HS1BP3: variants seen among roughly 807,000 people sequenced by gnomAD.
The protein encoded by HS1BP3 is HCLS1 binding protein 3.
Under a neutral mutation model 33.5 loss-of-function variants are expected in HS1BP3, and 32 were observed. The observed-to-expected ratio is 0.95, with a 90% CI of 0.72 to 1.28. The LOEUF (loss-of-function observed/expected upper bound fraction) is 1.28. Ranked by LOEUF, HS1BP3 falls within the 50% of genes most tolerant of loss-of-function variation. The pLI is 0.00. For missense variants in HS1BP3, 486 were observed against 502.3 expected (o/e 0.97, Z 0.31); for synonymous variants, 187 against 209.2 (o/e 0.89, Z 0.92).
chr2:20,620,167 C>A (rs1228135620), intron 6 of HS1BP3, among the ~76,000 whole-genome samples: 2 of 152,234 alleles, frequency 1.3e-5, no homozygotes, highest in East Asian at 3.8e-4. Flanking sequence ...GTGCTGAACA[C>A]CCGTGATGGC....
rs569396502 is a variant in HS1BP3, at chr2:20,568,565, G to T, written c.303-8050C>A. Reference sequence around the variant, plus strand: ...CCTTTGTCTGGGGACTAGACAGGAGGTGAGGGAGGAGGTGACAGGAACCAA... The same window carrying T: ...CCTTTGTCTGGGGACTAGACAGGAGTTGAGGGAGGAGGTGACAGGAACCAA... On this transcript the variant is annotated intron_variant, in intron 5 of 5. Coordinates refer to the HS1BP3 transcript ENST00000446825. Among the ~76,000 whole-genome samples the T allele has an allele frequency of 3.9e-5, 6 of 152,260 alleles. No individual in the cohort carries two copies. In the East Asian group the frequency reaches 1.2e-3, roughly 30 times the overall value.
At chr2:20,604,126 A>G (rs1377971714) in intron 2 of HS1BP3, among the ~76,000 whole-genome samples, 3 of 152,244 alleles carry the variant, frequency 2.0e-5, no homozygotes, top group Non-Finnish European at 4.4e-5. Context: ...TATTTAAATA[A>G]CAATTCATCA....
At position 20,634,873 on chromosome 2, in the gene HS1BP3, G is replaced by A. The variant is rs1001061888; in HGVS notation, c.623+3563C>T. 7.2e-5 allele frequency: 11 copies of A among 152,372 alleles called. No individual in the cohort carries two copies. In the East Asian group the frequency reaches 9.6e-4, roughly 13 times the overall value. 9.4% of individuals were successfully genotyped at this position (152,372 alleles called of 1,614,324 possible). A position where few individuals can be genotyped will look rare whatever the true frequency, so the allele number is the denominator to read the frequency against. The stretch of plus-strand genomic sequence containing the variant: ...CACGGAGGCCACAGCACGGGGACCC[G>A]GGTGTGGGCTCCCCCTTCCAGGGAG... On this transcript the variant is annotated intron_variant, in intron 4 of 6. Coordinates refer to ENST00000304031, the MANE Select transcript of HS1BP3 (RefSeq NM_022460.4).
chr2:20,579,849 G>A lies in HS1BP3; in HGVS notation c.303-19334C>T, dbSNP rs555669438. Among the ~76,000 whole-genome samples, 141 of 152,364 alleles carry A rather than the reference G, an allele frequency of 9.3e-4. 2 individuals carry two copies. Among genetic ancestry groups the A allele is most frequent in the African/African-American group, 3.3e-3 (138 of 41,580 alleles). ...GAGAAAATCATTCAAAAAAGACAAA[G>A]CTATTGTGAGGATGACCTAACGTAA... On this transcript the variant is annotated intron_variant, in intron 5 of 5. Transcript: ENST00000446825.
At chr2:20,635,517 T>C (rs1324713730) in intron 4 of HS1BP3, 1 of 152,230 alleles carries the variant, frequency 6.6e-6, no homozygotes, top group Non-Finnish European at 1.5e-5. Context: ...TCTATACTAA[T>C]TGTGTGTTAT....
At chr2:20,629,914 A>G (rs1287826931) in intron 4 of HS1BP3, among the ~76,000 whole-genome samples, 2 of 152,220 alleles carry the variant, frequency 1.3e-5, no homozygotes, top group African/African-American at 4.8e-5. Flanking sequence ...GGTGACAGTG[A>G]TTGACACATA....
intron 5 of HS1BP3, among the ~76,000 whole-genome samples, chr2:20,585,515 T>G (rs1217340194): frequency 2.0e-5 from 3 of 152,206 alleles, no homozygotes; most frequent in Non-Finnish European, 4.4e-5. Flanking sequence ...AGAAGATAAG[T>G]AACTTGCCCA....
intron 4 of HS1BP3, among the ~76,000 whole-genome samples, chr2:20,630,544 T>C (rs1364984169): frequency 6.6e-6 from 1 of 152,234 alleles, no homozygotes; most frequent in Non-Finnish European, 1.5e-5. Flanking sequence ...CCTGGGATTA[T>C]AGGCAAGAGC....
intron 2 of HS1BP3, among the ~76,000 whole-genome samples, chr2:20,610,299 C>A (rs1694292935): frequency 6.6e-6 from 1 of 152,136 alleles, no homozygotes; most frequent in East Asian, 1.9e-4. Flanking sequence ...ATGAATAATG[C>A]CACGGATCCA....
chr2:20,629,702 T>A (rs924101769), intron 4 of HS1BP3, among the ~76,000 whole-genome samples: 1 of 152,230 alleles, frequency 6.6e-6, no homozygotes, highest in Non-Finnish European at 1.5e-5. Flanking sequence ...TGGCATGTTC[T>A]TGTTGCATGC....
intron 2 of HS1BP3, among the ~76,000 whole-genome samples, chr2:20,610,304 G>A (rs1049699040): frequency 2.6e-5 from 4 of 152,056 alleles, no homozygotes; most frequent in Admixed American, 6.6e-5. Flanking sequence ...TAATGCCACG[G>A]ATCCACCATG....
intron 5 of HS1BP3, among the ~76,000 whole-genome samples, chr2:20,574,880 A>G (rs10204567): frequency 0.036 from 5,430 of 152,288 alleles, 305 homozygotes; most frequent in African/African-American, 0.12. Context: ...CAGCATGGTT[A>G]TCTACTAACC....
rs572622693 is a variant in HS1BP3, at chr2:20,625,384, T to C, written c.624-492A>G. ...AGAGATCACACTCCCATTCGGAAGG[T>C]AGAGACAGCTGCCTGGTCTCAGGGT... On this transcript the variant is annotated intron_variant, in intron 4 of 6. Coordinates refer to ENST00000304031, the MANE Select transcript of HS1BP3 (RefSeq NM_022460.4). 2.6e-5 allele frequency among the ~76,000 whole-genome samples: 4 copies of C among 152,206 alleles called. No homozygotes were observed. The East Asian group carries it at 7.7e-4, about 29-fold the overall frequency.
At chr2:20,565,775 G>A (rs945063858) in intron 5 of HS1BP3, among the ~76,000 whole-genome samples, 1 of 152,232 alleles carries the variant, frequency 6.6e-6, no homozygotes, top group Non-Finnish European at 1.5e-5. Flanking sequence ...TCAGAGCAGG[G>A]TTTTGTCACT....
chr2:20,639,151 T>C (rs983845297), intron 3 of HS1BP3, among the ~76,000 whole-genome samples: 1 of 152,180 alleles, frequency 6.6e-6, no homozygotes, highest in Non-Finnish European at 1.5e-5. Context: ...ACCTGGACTG[T>C]GGACTGGATG....
At chr2:20,575,995 T>C (rs768337078) in intron 5 of HS1BP3, among the ~76,000 whole-genome samples, 6 of 152,100 alleles carry the variant, frequency 3.9e-5, no homozygotes, top group Non-Finnish European at 7.4e-5. Context: ...TTGTTTTGTT[T>C]TGTTTTGTTT....
downstream of HS1BP3, chr2:20,591,347 G>A: frequency 6.1e-6 from 1 of 164,900 alleles, no homozygotes. Flanking sequence ...CTGCTTCATG[G>A]AAACAGGATT....
intron 5 of HS1BP3, among the ~76,000 whole-genome samples, chr2:20,577,353 G>T (rs1417346987): frequency 6.6e-6 from 1 of 152,158 alleles, no homozygotes; most frequent in Non-Finnish European, 1.5e-5. Flanking sequence ...TAGTAGGCCT[G>T]GACTCCTTAA....
chr2:20,557,437 T>C (rs1692867160), downstream of HS1BP3, among the ~76,000 whole-genome samples: 1 of 152,202 alleles, frequency 6.6e-6, no homozygotes, highest in Non-Finnish European at 1.5e-5. Context: ...CACTTTTAGG[T>C]TGTGACTTCT....
Sources: gnomAD v4.1 joint callset for allele counts (sites outside exome capture counted in the v4.1 genomes callset) on GRCh38, gnomAD v4.1.1 for gene constraint, MANE v1.5 for transcripts, NCBI Gene and HGNC (gene_info 2026-07-23, HGNC 2026-07-21) for gene names.